Variants in SUPT3H observed in about 807,000 individuals in gnomAD.
The protein encoded by SUPT3H is SPT3 homolog, SAGA and STAGA complex component, also known as transcription initiation protein SPT3 homolog.
Under a neutral mutation model 44.3 loss-of-function variants are expected in SUPT3H, and 44 were observed. That is an observed-to-expected ratio of 0.99 (90% CI 0.78 to 1.28). The LOEUF (loss-of-function observed/expected upper bound fraction) is 1.28. Ranked by LOEUF, SUPT3H falls within the 50% of genes most tolerant of loss-of-function variation. The pLI, the probability that SUPT3H is intolerant of heterozygous loss-of-function variation, is 0.00. For synonymous variants in SUPT3H, 124 were observed against 125.6 expected, an observed-to-expected ratio of 0.99 and a Z score of 0.09; for missense variants, 380 against 387.1, an observed-to-expected ratio of 0.98 and a Z score of 0.15.
rs948010196 is a variant in SUPT3H, at chr6:45,377,798, T to C, written c.-31A>G. 1.3e-5 allele frequency: 2 copies of C among 152,918 alleles called. No homozygotes were observed. Among genetic ancestry groups the C allele is most frequent in the African/African-American group, 4.8e-5 (2 of 41,466 alleles). The allele number at this position is 152,918 out of a possible 1,614,324, so 9.5% of individuals were successfully genotyped here. A position where few individuals can be genotyped will look rare whatever the true frequency, so the allele number is the denominator to read the frequency against. On this transcript the variant is annotated 5_prime_UTR_variant, in exon 1 of 11. Transcript: ENST00000371459. ...CTTTAAGAACCCTTGGAGGCACTGCTGCGCTTCCCGCGAGGAGAATGTGGG... is the reference window on the plus strand; with the variant it reads ...CTTTAAGAACCCTTGGAGGCACTGCCGCGCTTCCCGCGAGGAGAATGTGGG...
intron 2 of SUPT3H, chr6:45,159,305 G>GA (rs1808543210): frequency 6.6e-6 from 1 of 152,156 alleles, no homozygotes; most frequent in Admixed American, 6.5e-5. Flanking sequence ...GGGCACACCT[G>GA]AACGTAACTG....
rs73735393 is a variant in SUPT3H, at chr6:45,367,601, T to C, written c.1-2300A>G. On this transcript the variant is annotated intron_variant, in intron 1 of 10. Transcript: ENST00000371459. ...CTCAGGAAATGTTCCCTTGTCTCAA[T>C]AGAAGGCTGACAGAGCTATCTTCGA... Among the ~76,000 whole-genome samples the C allele has an allele frequency of 4.0e-3, 609 of 152,246 alleles. 7 individuals are homozygous for C. Among genetic ancestry groups the C allele is most frequent in the African/African-American group, 0.014 (575 of 41,556 alleles).
At chr6:45,075,411 C>T (rs1038994596) in intron 3 of SUPT3H, among the ~76,000 whole-genome samples, 7 of 152,068 alleles carry the variant, frequency 4.6e-5, no homozygotes, top group African/African-American at 1.7e-4. Context: ...TTAGGTTTCT[C>T]CAGACTAGAA....
At chr6:44,958,947 C>T (rs1775626357) in intron 7 of SUPT3H, among the ~76,000 whole-genome samples, 1 of 138,946 alleles carries the variant, frequency 7.2e-6, no homozygotes, top group African/African-American at 2.7e-5. Flanking sequence ...GCGATCTCGG[C>T]TCACTGCAAC....
At chr6:44,972,100 C>T (rs1482706285) in intron 6 of SUPT3H, among the ~76,000 whole-genome samples, 2 of 152,126 alleles carry the variant, frequency 1.3e-5, no homozygotes, top group Non-Finnish European at 2.9e-5. Flanking sequence ...TTAACTCATT[C>T]CAGCATTAAC....
chr6:44,974,207 A>T (rs1409640601), intron 6 of SUPT3H, among the ~76,000 whole-genome samples: 1 of 151,978 alleles, frequency 6.6e-6, no homozygotes, highest in Non-Finnish European at 1.5e-5. Flanking sequence ...GAACATTTGA[A>T]AATATGTATT....
At chr6:44,915,396 A>G (rs1160227672) in intron 10 of SUPT3H, among the ~76,000 whole-genome samples, 2 of 152,204 alleles carry the variant, frequency 1.3e-5, no homozygotes, top group Non-Finnish European at 2.9e-5. Flanking sequence ...GCTGAAATAG[A>G]CTAAGAGAAT....
In SUPT3H at chr6:45,306,981, T is replaced by C. The variant is rs548367768; in HGVS notation, c.101+58220A>G. Among the ~76,000 whole-genome samples, 3 of 152,328 alleles carry C rather than the reference T, an allele frequency of 2.0e-5. No homozygotes were observed. The East Asian group carries it at 5.8e-4, about 29-fold the overall frequency. On this transcript the variant is annotated intron_variant, in intron 2 of 10. Coordinates refer to ENST00000371459, the MANE Select transcript of SUPT3H (RefSeq NM_003599.4). ...CACACAGGAGATTATATCCCGCACC[T>C]GGCTCAGAAGGTCCCAGGCCCACGG...
chr6:45,065,108 A>G (rs1378326342), intron 3 of SUPT3H, among the ~76,000 whole-genome samples: 1 of 151,142 alleles, frequency 6.6e-6, no homozygotes, highest in Non-Finnish European at 1.5e-5. Context: ...ATAACAAACT[A>G]TCTCTCAGAC....
At chr6:44,889,702 GCAAGGA>G (rs926878878) in intron 10 of SUPT3H, among the ~76,000 whole-genome samples, 51 of 152,086 alleles carry the variant, frequency 3.4e-4, no homozygotes, top group Admixed American at 1.3e-4. Context: ...ATAGGCATGG[GCAAGGA>G]CTTCATGTCT....
intron 7 of SUPT3H, among the ~76,000 whole-genome samples, chr6:44,954,825 T>C (rs1039915113): frequency 6.6e-6 from 1 of 152,198 alleles, no homozygotes; most frequent in African/African-American, 2.4e-5. Flanking sequence ...AACAACTCTC[T>C]TACGTATTTG....
intron 3 of SUPT3H, chr6:45,097,574 T>C (rs1005383622): frequency 2.0e-5 from 3 of 152,256 alleles, no homozygotes; most frequent in Non-Finnish European, 4.4e-5. Flanking sequence ...CACAAAGTCA[T>C]TCCACTGACA....
chr6:45,110,255 G>C (rs1485585855), intron 2 of SUPT3H, among the ~76,000 whole-genome samples: 2 of 152,194 alleles, frequency 1.3e-5, no homozygotes, highest in Non-Finnish European at 2.9e-5. Flanking sequence ...CAATCCGCTT[G>C]ACAGGTGCAC....
intron 2 of SUPT3H, among the ~76,000 whole-genome samples, chr6:45,146,577 A>C (rs1806107298): frequency 6.6e-6 from 1 of 152,170 alleles, no homozygotes; most frequent in Non-Finnish European, 1.5e-5. Flanking sequence ...CAAACTATTG[A>C]AATAAAAATA....
chr6:45,008,454 A>G (rs2153508580), intron 5 of SUPT3H, among the ~76,000 whole-genome samples: 1 of 152,246 alleles, frequency 6.6e-6, no homozygotes, highest in Non-Finnish European at 1.5e-5. Context: ...TCCTGGGCTC[A>G]AGTAATCTTC....
chr6:44,936,275 T>A (rs1313510931), intron 9 of SUPT3H, among the ~76,000 whole-genome samples: 1 of 152,252 alleles, frequency 6.6e-6, no homozygotes, highest in Non-Finnish European at 1.5e-5. Context: ...TATGTAATTT[T>A]CTCATTTAAA....
At chr6:44,958,372 T>C (rs931795341) in intron 7 of SUPT3H, among the ~76,000 whole-genome samples, 2 of 152,194 alleles carry the variant, frequency 1.3e-5, no homozygotes, top group African/African-American at 4.8e-5. Flanking sequence ...CCCAACAGTC[T>C]TTCCATTCCC....
At chr6:44,903,508 A>G (rs1185961244) in intron 10 of SUPT3H, among the ~76,000 whole-genome samples, 1 of 152,208 alleles carries the variant, frequency 6.6e-6, no homozygotes, top group African/African-American at 2.4e-5. Context: ...GAATAGACCA[A>G]TAACAGGCTC....
At chr6:45,212,228 T>A (rs192777429) in intron 2 of SUPT3H, among the ~76,000 whole-genome samples, 5 of 152,218 alleles carry the variant, frequency 3.3e-5, no homozygotes, top group African/African-American at 1.2e-4. Flanking sequence ...ACTTTTCTTA[T>A]GCTGAATCAA....
Sources: allele counts gnomAD v4.1 joint callset (sites outside exome capture counted in the v4.1 genomes callset), GRCh38; gene constraint gnomAD v4.1.1; transcripts MANE v1.5; gene names NCBI Gene and HGNC (gene_info 2026-07-23, HGNC 2026-07-21).